Variants in IGSF11 observed in about 807,000 individuals in gnomAD.
IGSF11 encodes immunoglobulin superfamily member 11.
A neutral mutation model predicts 41.0 loss-of-function variants in IGSF11; 22 were observed. That is an observed-to-expected ratio of 0.54 (90% CI 0.38 to 0.77). IGSF11 has a LOEUF of 0.77. Ranked by LOEUF, IGSF11 falls within the 30% of genes least tolerant of loss-of-function variation. The pLI, the probability that IGSF11 is intolerant of heterozygous loss-of-function variation, is 0.00. For missense variants in IGSF11, 444 were observed against 530.8 expected (o/e 0.84, Z 1.61); for synonymous variants, 219 against 201.3 (o/e 1.09, Z -0.74).
intron 1 of IGSF11, among the ~76,000 whole-genome samples, chr3:118,989,323 C>T (rs1419809058): frequency 6.6e-6 from 1 of 151,760 alleles, no homozygotes; most frequent in Admixed American, 6.6e-5. Flanking sequence ...TAAATACACA[C>T]GTTAAGAGTA....
At chr3:118,940,722 G>GA (rs1284266856) in intron 1 of IGSF11, among the ~76,000 whole-genome samples, 2 of 151,550 alleles carry the variant, frequency 1.3e-5, no homozygotes, top group African/African-American at 4.8e-5. Flanking sequence ...TAATTTTCAA[G>GA]AAAAAAAGTA....
chr3:119,127,777 AC>A (rs1427737758), intron 1 of IGSF11, among the ~76,000 whole-genome samples: 1 of 152,206 alleles, frequency 6.6e-6, no homozygotes, highest in African/African-American at 2.4e-5. Flanking sequence ...ACAGTTTTCA[AC>A]CCAGAATTTC....
At chr3:119,053,599 A>C (rs1941710668) in intron 1 of IGSF11, among the ~76,000 whole-genome samples, 1 of 152,210 alleles carries the variant, frequency 6.6e-6, no homozygotes, top group Non-Finnish European at 1.5e-5. Flanking sequence ...GCCAAAAGCA[A>C]TCTATAAAGT....
chr3:119,082,210 A>C (rs1302920205), intron 1 of IGSF11, among the ~76,000 whole-genome samples: 1 of 152,236 alleles, frequency 6.6e-6, no homozygotes. Context: ...AAATCAATAC[A>C]ATAAGTTATA....
At chr3:119,028,325 A>C (rs1269335035) in intron 1 of IGSF11, among the ~76,000 whole-genome samples, 1 of 152,166 alleles carries the variant, frequency 6.6e-6, no homozygotes, top group Non-Finnish European at 1.5e-5. Context: ...CCCCAACATA[A>C]GGATGATTTA....
chr3:119,115,730 C>T (rs886858123), intron 1 of IGSF11, among the ~76,000 whole-genome samples: 11 of 152,022 alleles, frequency 7.2e-5, no homozygotes, highest in South Asian at 2.1e-4. Context: ...GTTTCCTTTT[C>T]GGTGAAGCTT....
At chr3:118,909,919 A>T (rs1186122345) in intron 4 of IGSF11, among the ~76,000 whole-genome samples, 8 of 152,238 alleles carry the variant, frequency 5.3e-5, no homozygotes, top group Admixed American at 5.2e-4. Context: ...AATACCAATG[A>T]ACATTACTCA....
intron 1 of IGSF11, among the ~76,000 whole-genome samples, chr3:118,976,560 C>T (rs957371853): frequency 2.6e-5 from 4 of 152,116 alleles, no homozygotes; most frequent in Non-Finnish European, 5.9e-5. Context: ...GCTGCTACAG[C>T]GAGTACAGGA....
At chr3:118,978,101 T>G (rs987764860) in intron 1 of IGSF11, among the ~76,000 whole-genome samples, 1 of 152,196 alleles carries the variant, frequency 6.6e-6, no homozygotes, top group African/African-American at 2.4e-5. Flanking sequence ...AAGCTTTCTC[T>G]GATAGCAGGT....
intron 1 of IGSF11, among the ~76,000 whole-genome samples, chr3:119,071,610 C>G (rs576977756): frequency 6.6e-6 from 1 of 152,084 alleles, no homozygotes; most frequent in Admixed American, 6.5e-5. Flanking sequence ...ATTGGGCATC[C>G]TTCTCAAAAA....
intron 1 of IGSF11, among the ~76,000 whole-genome samples, chr3:119,031,586 C>T (rs1042368641): frequency 1.3e-5 from 2 of 152,198 alleles, no homozygotes; most frequent in African/African-American, 4.8e-5. Flanking sequence ...TGCATCATTA[C>T]CTTGTGTCTG....
At chr3:118,982,760 T>C (rs1053889034) in intron 1 of IGSF11, among the ~76,000 whole-genome samples, 7 of 152,230 alleles carry the variant, frequency 4.6e-5, no homozygotes, top group Non-Finnish European at 7.3e-5. Flanking sequence ...GTTTGTTTCA[T>C]TTAGTATTCA....
intron 4 of IGSF11, among the ~76,000 whole-genome samples, chr3:118,912,186 T>C (rs959727666): frequency 6.6e-6 from 1 of 152,228 alleles, no homozygotes; most frequent in Non-Finnish European, 1.5e-5. Context: ...TCTCTGTGCA[T>C]CTTTAAAGTG....
upstream of IGSF11, among the ~76,000 whole-genome samples, chr3:119,037,811 G>A (rs1940972438): frequency 6.6e-6 from 1 of 152,090 alleles, no homozygotes; most frequent in Non-Finnish European, 1.5e-5. Flanking sequence ...ATGATGTAGG[G>A]AATTATAAGG....
At chr3:118,923,207 C>A (rs1033332493) in intron 4 of IGSF11, among the ~76,000 whole-genome samples, 2 of 152,120 alleles carry the variant, frequency 1.3e-5, no homozygotes. Context: ...AATAATAAAT[C>A]CACTTCATGA....
At chr3:119,095,251 T>C (rs942080963) in intron 1 of IGSF11, among the ~76,000 whole-genome samples, 3 of 152,130 alleles carry the variant, frequency 2.0e-5, no homozygotes, top group Admixed American at 6.6e-5. Flanking sequence ...CTAATAACCA[T>C]AGACTATAAA....
At position 118,926,263 on chromosome 3, in the gene IGSF11, C is replaced by T. The variant is rs1273650626; in HGVS notation, c.425-7G>A. The T allele has an allele frequency of 6.3e-7, 1 of 1,575,002 alleles. No homozygotes were observed. The highest frequency in any genetic ancestry group is 1.4e-5 in the African/African-American group (1 of 73,954). On this transcript the variant is annotated splice_region_variant and splice_polypyrimidine_tract_variant and intron_variant, in intron 3 of 6. Transcript: ENST00000393775. The stretch of plus-strand genomic sequence containing the variant: ...TGTGGGGCAGAAGGGGGAACTATAA[C>T]AGGAAGAATAAGCAATAAAGTACAC...
intron 1 of IGSF11, among the ~76,000 whole-genome samples, chr3:119,131,569 G>A (rs561434799): frequency 3.5e-4 from 54 of 152,308 alleles, no homozygotes; most frequent in African/African-American, 9.4e-4. Flanking sequence ...CCAAATCTAC[G>A]TTTGACTGGT....
intron 1 of IGSF11, among the ~76,000 whole-genome samples, chr3:119,064,038 G>T (rs1442687370): frequency 6.6e-6 from 1 of 152,176 alleles, no homozygotes; most frequent in Non-Finnish European, 1.5e-5. Flanking sequence ...AGTAGCGTTA[G>T]GTCCTTGGTT....
Sources: allele counts gnomAD v4.1 joint callset (sites outside exome capture counted in the v4.1 genomes callset), GRCh38; gene constraint gnomAD v4.1.1; transcripts MANE v1.5; gene names NCBI Gene and HGNC (gene_info 2026-07-23, HGNC 2026-07-21).